TOP6BL: variants seen among roughly 807,000 people sequenced by gnomAD.
TOP6BL encodes type 2 DNA topoisomerase 6 subunit B-like.
At chr11:66,842,863 G>A in the TOP6BL span, 2 of 1,571,012 alleles carry the variant, frequency 1.3e-6, no homozygotes, top group Middle Eastern at 1.8e-4. Flanking sequence ...CAGCGGGCAA[G>A]CAGAAAACAA....
chr11:66,820,354 T>G, the TOP6BL span, among the ~76,000 whole-genome samples: 1 of 152,210 alleles, frequency 6.6e-6, no homozygotes, highest in African/African-American at 2.4e-5. Flanking sequence ...AGTTTTAGGC[T>G]GCTTCCCATA....
At chr11:66,756,003 A>G in the TOP6BL span, among the ~76,000 whole-genome samples, 2 of 152,204 alleles carry the variant, frequency 1.3e-5, no homozygotes, top group South Asian at 2.1e-4. Flanking sequence ...ACTTAAAACT[A>G]TCTTTTGGGG....
chr11:66,832,093 CT>C, the TOP6BL span, among the ~76,000 whole-genome samples: 1 of 150,186 alleles, frequency 6.7e-6, no homozygotes, highest in African/African-American at 2.4e-5. Flanking sequence ...AGTATGGACA[CT>C]TTCTTTTTTT....
the TOP6BL span, chr11:66,816,076 T>C: frequency 6.2e-7 from 1 of 1,603,610 alleles, no homozygotes; most frequent in East Asian, 2.2e-5. Context: ...AGATGTGAGT[T>C]ATCAGGTGGA....
At chr11:66,745,118 G>C in the TOP6BL span, among the ~76,000 whole-genome samples, 1 of 152,102 alleles carries the variant, frequency 6.6e-6, no homozygotes, top group African/African-American at 2.4e-5. Context: ...ACTCTGTGGG[G>C]GAACGACGCC....
chr11:66,800,894 C>A, the TOP6BL span: 1 of 1,032,030 alleles, frequency 9.7e-7, no homozygotes, highest in Non-Finnish European at 1.4e-6. Flanking sequence ...TTAAAGATTG[C>A]CATTTTCCCC....
chr11:66,826,799 C>T, the TOP6BL span, among the ~76,000 whole-genome samples: 1 of 151,848 alleles, frequency 6.6e-6, no homozygotes, highest in Non-Finnish European at 1.5e-5. Flanking sequence ...TCTCCTGCCT[C>T]AGCCTCCCCA....
the TOP6BL span, chr11:66,748,575 T>C: frequency 7.5e-7 from 1 of 1,330,856 alleles, no homozygotes; most frequent in Non-Finnish European, 1.0e-6. Context: ...ATGTCGTAGC[T>C]TATTTAAAAA....
At chr11:66,752,739 C>T in the TOP6BL span, among the ~76,000 whole-genome samples, 1 of 152,152 alleles carries the variant, frequency 6.6e-6, no homozygotes, top group African/African-American at 2.4e-5. Context: ...AAGCATGAGC[C>T]ACCGTTCCCG....
chr11:66,806,569 A>C, the TOP6BL span, among the ~76,000 whole-genome samples: 1 of 152,206 alleles, frequency 6.6e-6, no homozygotes, highest in East Asian at 1.9e-4. Context: ...GGAGTTTGAG[A>C]CCAGCATGGC....
the TOP6BL span, chr11:66,814,016 G>T: frequency 6.2e-7 from 1 of 1,610,808 alleles, no homozygotes; most frequent in Non-Finnish European, 8.5e-7. Flanking sequence ...TTGGATAGAG[G>T]TATATCCTCC....
chr11:66,842,937 G>C, the TOP6BL span: 5 of 1,557,624 alleles, frequency 3.2e-6, no homozygotes, highest in African/African-American at 1.4e-5. Flanking sequence ...CCAGGGCCCC[G>C]AGCCCGTCAG....
the TOP6BL span, among the ~76,000 whole-genome samples, chr11:66,835,894 CTT>C: frequency 6.6e-6 from 1 of 152,142 alleles, no homozygotes; most frequent in Non-Finnish European, 1.5e-5. Flanking sequence ...TTGTAACTGT[CTT>C]GGGTATATAT....
the TOP6BL span, among the ~76,000 whole-genome samples, chr11:66,810,227 A>G: frequency 3.0e-4 from 46 of 152,328 alleles, no homozygotes; most frequent in African/African-American, 1.1e-3. Context: ...ATTTATCACC[A>G]GAAGACCTGT....
At chr11:66,821,784 C>G in the TOP6BL span, 4 of 1,611,134 alleles carry the variant, frequency 2.5e-6, no homozygotes, top group Non-Finnish European at 3.4e-6. Flanking sequence ...AATTCACAGC[C>G]TCTTTTCTCC....
the TOP6BL span, among the ~76,000 whole-genome samples, chr11:66,745,212 GA>G: frequency 6.4e-4 from 98 of 151,962 alleles, no homozygotes; most frequent in Non-Finnish European, 1.0e-3. Context: ...CGCAGCCTCG[GA>G]GGTGCCTGCC....
chr11:66,827,736 G>A, the TOP6BL span, among the ~76,000 whole-genome samples: 1 of 151,808 alleles, frequency 6.6e-6, no homozygotes, highest in Non-Finnish European at 1.5e-5. Context: ...AGGCTGAGGC[G>A]GGTGGATCAC....
At chr11:66,751,342 G>A in the TOP6BL span, among the ~76,000 whole-genome samples, 1 of 151,852 alleles carries the variant, frequency 6.6e-6, no homozygotes, top group Admixed American at 6.6e-5. Context: ...CCACAGGTGT[G>A]CACCACCACG....
chr11:66,799,972 T>C, the TOP6BL span, among the ~76,000 whole-genome samples: 1 of 150,894 alleles, frequency 6.6e-6, no homozygotes, highest in Non-Finnish European at 1.5e-5. Flanking sequence ...TCCCAACTAC[T>C]CAGGAGGCTG....
Sources: gnomAD v4.1 joint callset for allele counts (sites outside exome capture counted in the v4.1 genomes callset) on GRCh38, gnomAD v4.1.1 for gene constraint, MANE v1.5 for transcripts, NCBI Gene and HGNC (gene_info 2026-07-23, HGNC 2026-07-21) for gene names.